COL12A1: variants seen among roughly 807,000 people sequenced by gnomAD.
The protein encoded by COL12A1 is collagen type XII alpha 1 chain, also known as collagen alpha-1(XII) chain.
COL12A1 carries 114 observed loss-of-function variants against 349.7 expected under a neutral mutation model. The observed-to-expected ratio is 0.33, with a 90% confidence interval of 0.28 to 0.38. COL12A1 has a LOEUF of 0.38. Ranked by LOEUF, COL12A1 falls within the 10% of genes least tolerant of loss-of-function variation. The pLI is 1.00. For missense variants in COL12A1, 3,284 were observed against 3,756.9 expected (o/e 0.87, Z 3.29); for synonymous variants, 1,369 against 1,329.0 (o/e 1.03, Z -0.66).
Position 75,175,072 on chromosome 6 carries a change from T to C in COL12A1, c.2676A>G (p.Gly892=). 2 of 1,614,152 alleles carry C rather than the reference T, an allele frequency of 1.2e-6. No homozygotes were observed. Among genetic ancestry groups the C allele is most frequent in the East Asian group, 2.2e-5 (1 of 44,872 alleles). Residue 892 remains glycine, a synonymous_variant, in exon 13 of 66, where the codon GGA becomes GGG. Coordinates refer to ENST00000322507, the MANE Select transcript of COL12A1 (RefSeq NM_004370.6). Reference sequence around the variant, plus strand: ...TTGTTCCTTCACCAAAGAGGGCGTCTCCAGCCCCAGACGCATACAAGGCTG... The same window carrying C: ...TTGTTCCTTCACCAAAGAGGGCGTCCCCAGCCCCAGACGCATACAAGGCTG... ...SVTALYASGA[G]DALFGEGTTL... is the part of the protein sequence containing the mutation.
At chr6:75,118,917 G>A in intron 46 of COL12A1, 126 bp downstream of exon 46, 1 of 1,249,336 alleles carries the variant, frequency 8.0e-7, no homozygotes, top group Non-Finnish European at 1.1e-6. Flanking sequence ...GCATTACGAA[G>A]GTATACCGTG....
At position 75,114,099 on chromosome 6, in the gene COL12A1, T is replaced by A. The variant is rs143398911; in HGVS notation, c.7698-355A>T. 9.0e-3 allele frequency among the ~76,000 whole-genome samples: 1,371 copies of A among 152,030 alleles called. 14 individuals are homozygous for A. Among genetic ancestry groups the A allele is most frequent in the Non-Finnish European group, 0.015 (1,025 of 67,832 alleles). ...AGACACAGAGTATTATAAAATTATA[T>A]GATAATTTTAGAATGATAAACATTA... On this transcript the variant is annotated intron_variant, in intron 49 of 65. Transcript: ENST00000322507.
intron 42 of COL12A1, 52 bp downstream of exon 42, chr6:75,123,896 G>A (rs1765874386): frequency 1.9e-6 from 3 of 1,550,786 alleles, no homozygotes; most frequent in East Asian, 2.3e-5. Flanking sequence ...CTTACCTAGA[G>A]CATTCTATTC....
chr6:75,177,785 G>C lies in COL12A1; in HGVS notation c.2315C>G (p.Pro772Arg). The C allele has an allele frequency of 6.2e-7, 1 of 1,613,990 alleles. No homozygotes were observed. Among genetic ancestry groups the C allele is most frequent in the South Asian group, 1.1e-5 (1 of 91,080 alleles). ...CTCCAGTGTTCTCCTCCTCTGATTGGGTGGGGTGGTAACTTCTCTGCTCTC... is the reference window on the plus strand; with the variant it reads ...CTCCAGTGTTCTCCTCCTCTGATTGCGTGGGGTGGTAACTTCTCTGCTCTC... Reference protein sequence around the residue: ...GGESREVTTPPNQRRRTLENL... With the variant: ...GGESREVTTPRNQRRRTLENL... Residue 772 changes from proline (P) to arginine (R), a missense_variant, in exon 12 of 66, where the codon CCC becomes CGC. Around this residue, in one of 2 missense-constraint regions of COL12A1, gnomAD observed 2,601 missense variants for 2,824.8 expected, o/e 0.92. Coordinates refer to ENST00000322507, the MANE Select transcript of COL12A1 (RefSeq NM_004370.6).
chr6:75,124,423 G>A lies in COL12A1; in HGVS notation c.6608-52C>T, dbSNP rs756853099. ...TACTTTGTAAATTGAGGCAAAAAGT[G>A]TACTTTTAATCATAACACAATTTTC... On this transcript the variant is annotated intron_variant, in intron 40 of 65. Transcript: ENST00000322507. 32 of 1,347,276 alleles carry A rather than the reference G, an allele frequency of 2.4e-5. No homozygotes were observed. The South Asian group carries it at 3.9e-4, about 16-fold the overall frequency. The allele number at this position is 1,347,276 out of a possible 1,614,324, so 83.5% of individuals were successfully genotyped here. A position where few individuals can be genotyped will look rare whatever the true frequency, so the allele number is the denominator to read the frequency against.
intron 11 of COL12A1, among the ~76,000 whole-genome samples, chr6:75,178,634 T>C (rs765261200): frequency 6.6e-6 from 1 of 152,232 alleles, no homozygotes; most frequent in Non-Finnish European, 1.5e-5. Context: ...TAAATGACCT[T>C]CTTGCTCAAT....
intron 53 of COL12A1, 82 bp from the exon 54 acceptor site, chr6:75,105,374 A>G (rs1305034178): frequency 2.2e-6 from 2 of 909,426 alleles, no homozygotes; most frequent in African/African-American, 3.4e-5. Context: ...TACATGCACA[A>G]GGAAGTCTGT....
chr6:75,134,513 G>T (rs1766483863), intron 32 of COL12A1, among the ~76,000 whole-genome samples: 1 of 152,080 alleles, frequency 6.6e-6, no homozygotes, highest in African/African-American at 2.4e-5. Context: ...AGAGGATGCA[G>T]TGAGCCAAGA....
rs781184043 is a variant in COL12A1 at position 75,116,051 on chromosome 6, G to T, written c.7526C>A (p.Pro2509His). ...FVCETATSSC[P>H]LIYLDGYTSP... ...GGTGTAGCCATCCAAATAAATGAGA[G>T]GACAACCTGCAATGTACAGTGTTCT... The change falls in exon 48 of 66, where the codon CCT becomes CAT. Residue 2509 changes from proline to histidine, a missense_variant. By Grantham distance (77) the Pro-to-His change is moderately conservative. Transcript: ENST00000322507. 1 of 1,613,100 alleles carries T rather than the reference G, an allele frequency of 6.2e-7. No individual in the cohort carries two copies. The highest frequency in any genetic ancestry group is 2.2e-5 in the East Asian group (1 of 44,834).
chr6:75,085,566 A>C lies in COL12A1; in HGVS notation c.*981T>G. On this transcript the variant is annotated 3_prime_UTR_variant, in exon 66 of 66. Transcript: ENST00000322507. ...GAAATGGCACTTTCTTAAAAAAAAA[A>C]ACCTTCAAAAATCCAGCAGTAAACA... 3.1e-6 allele frequency: 1 copy of C among 323,922 alleles called. No homozygotes were observed. Among genetic ancestry groups the C allele is most frequent in the South Asian group, 2.5e-5 (1 of 40,100 alleles). The allele number at this position is 323,922 out of a possible 1,614,324, so 20.1% of individuals were successfully genotyped here. A position where few individuals can be genotyped will look rare whatever the true frequency, so the allele number is the denominator to read the frequency against.
chr6:75,123,278 A>C (rs1445687503), intron 43 of COL12A1, 52 bp downstream of exon 43: 8 of 1,420,556 alleles, frequency 5.6e-6, no homozygotes, highest in Admixed American at 3.5e-5. Flanking sequence ...CGTAAATAAG[A>C]AGTCTGTAAC....
chr6:75,145,404 T>C lies in COL12A1; in HGVS notation c.4612A>G (p.Asn1538Asp), dbSNP rs1231066995. The change falls in exon 25 of 66, where the codon AAC becomes GAC. Residue 1538 changes from asparagine to aspartate, a missense_variant. By Grantham distance (23) the Asn-to-Asp change is conservative (BLOSUM62 1). This residue lies in a region of COL12A1 where 2,601 missense variants were observed against 2,824.8 expected (regional missense o/e 0.92). Coordinates refer to ENST00000322507, the MANE Select transcript of COL12A1 (RefSeq NM_004370.6). ...NDMQLTDLVP[N>D]TEYAVTVQAV... ...TGGACTGTGACTGCATACTCCGTGT[T>C]GGGAACAAGGTCAGTCAGCTGCATG... is the stretch of plus-strand genomic sequence containing the variant. 6.2e-7 allele frequency: 1 copy of C among 1,613,902 alleles called. No individual in the cohort carries two copies. The highest frequency in any genetic ancestry group is 1.3e-5 in the African/African-American group (1 of 74,914).
intron 13 of COL12A1, among the ~76,000 whole-genome samples, chr6:75,168,873 T>A (rs1472086723): frequency 2.0e-5 from 3 of 152,202 alleles, no homozygotes; most frequent in Non-Finnish European, 4.4e-5. Context: ...GTCAAAATCA[T>A]TACACACATG....
At position 75,139,683 on chromosome 6, in the gene COL12A1, G is replaced by A. The variant is rs532854385; in HGVS notation, c.4958-722C>T. On this transcript the variant is annotated intron_variant, in intron 27 of 65. Coordinates refer to ENST00000322507, the MANE Select transcript of COL12A1 (RefSeq NM_004370.6). Reference sequence around the variant, plus strand: ...GAACTCTGAGCATGTTACGATCCAGGTAACCCACACATAGCTTCTTCCTAT... The same window carrying A: ...GAACTCTGAGCATGTTACGATCCAGATAACCCACACATAGCTTCTTCCTAT... Among the ~76,000 whole-genome samples, 4 of 152,202 alleles carry A rather than the reference G, an allele frequency of 2.6e-5. No homozygotes were observed. In the East Asian group the frequency reaches 7.7e-4, roughly 29 times the overall value.
At chr6:75,116,526 G>A (rs943258398) in intron 47 of COL12A1, among the ~76,000 whole-genome samples, 3 of 152,042 alleles carry the variant, frequency 2.0e-5, no homozygotes, top group African/African-American at 7.2e-5. Flanking sequence ...TCAGAGCTGA[G>A]GGTACCAGAT....
Position 75,090,200 on chromosome 6 carries a change from C to A in COL12A1, c.8851G>T (p.Gly2951Cys). Reference sequence around the variant, plus strand: ...GGTTCTCCTCTGGCTCCTGCGCTACCAGGAGGTCCCGGTGGACCCGGCGGG... The same window carrying A: ...GGTTCTCCTCTGGCTCCTGCGCTACAAGGAGGTCCCGGTGGACCCGGCGGG... ...PGPPGPPGPPGSAGARGEPGP... is the reference protein window; with the variant it reads ...PGPPGPPGPPCSAGARGEPGP... Residue 2951 changes from glycine to cysteine, a missense_variant, in exon 63 of 66, where the codon GGT (glycine) becomes TGT (cysteine). Physicochemically the swap from Gly to Cys is radical, Grantham distance 159 (BLOSUM62 -3). Around this residue, in one of 2 missense-constraint regions of COL12A1, gnomAD observed 683 missense variants for 932.1 expected, o/e 0.73. Transcript: ENST00000322507. This position sits in a 1 kb window ranked among gnomAD's most constrained non-coding sequence, Gnocchi z 4.1. 6.2e-7 allele frequency: 1 copy of A among 1,614,120 alleles called. No homozygotes were observed. Among genetic ancestry groups the A allele is most frequent in the South Asian group, 1.1e-5 (1 of 91,084 alleles).
intron 22 of COL12A1, 29 bp downstream of exon 22, chr6:75,148,329 A>G (rs1438197534): frequency 2.6e-5 from 42 of 1,597,686 alleles, no homozygotes; most frequent in Non-Finnish European, 3.5e-5. Context: ...AACATCAGGA[A>G]GAAGTAAGTT....
rs181353358 is a variant in COL12A1 at position 75,159,565 on chromosome 6, G to A, written c.2984-3042C>T. On this transcript the variant is annotated intron_variant, in intron 14 of 65. Transcript: ENST00000322507. Reference sequence around the variant, plus strand: ...GAAAAATAATCTATTTGGATTATTAGCATTACCAGTTGTCACAAATATCAA... The same window carrying A: ...GAAAAATAATCTATTTGGATTATTAACATTACCAGTTGTCACAAATATCAA... Among the ~76,000 whole-genome samples the A allele has an allele frequency of 5.3e-5, 8 of 151,302 alleles. No homozygotes were observed. The East Asian group carries it at 1.5e-3, about 29-fold the overall frequency.
In COL12A1 at chr6:75,145,718, A is replaced by G. The variant is rs113581411; in HGVS notation, c.4561-263T>C. Among the ~76,000 whole-genome samples the G allele has an allele frequency of 0.025, 3,636 of 143,796 alleles. 149 individuals are homozygous for G. The highest frequency in any genetic ancestry group is 0.089 in the African/African-American group (3,422 of 38,450). 94.3% of individuals were successfully genotyped at this position (143,796 alleles called of 152,430 possible). A position where few individuals can be genotyped will look rare whatever the true frequency, so the allele number is the denominator to read the frequency against. On this transcript the variant is annotated intron_variant, in intron 24 of 65. Transcript: ENST00000322507. ...TCAATCTCAACTCACCGCAACTTCC[A>G]CCTCCCGGGTTCAAGCAATTCTCCT...
Sources: gnomAD v4.1 joint callset for allele counts (sites outside exome capture counted in the v4.1 genomes callset) on GRCh38, gnomAD v4.1.1 for gene constraint, gnomAD v4.1.1 regional missense constraint, Gnocchi (gnomAD v3.1) non-coding constraint, MANE v1.5 for transcripts, NCBI Gene and HGNC (gene_info 2026-07-23, HGNC 2026-07-21) for gene names.